Variants in CHRM3 observed in about 807,000 individuals in gnomAD.
CHRM3 encodes the protein muscarinic acetylcholine receptor M3.
CHRM3 carries 11 observed loss-of-function variants against 41.8 expected under a neutral mutation model. That is an observed-to-expected ratio of 0.26 (90% CI 0.17 to 0.44). The LOEUF is 0.44. CHRM3 is among the 20% of genes least tolerant of loss of function. The pLI, the probability that CHRM3 is intolerant of heterozygous loss-of-function variation, is 1.00. For synonymous variants in CHRM3, 297 were observed against 301.4 expected, an observed-to-expected ratio of 0.99 and a Z score of 0.15; for missense variants, 571 against 745.4, an observed-to-expected ratio of 0.77 and a Z score of 2.72.
intron 5 of CHRM3, chr1:239,703,289 G>C (rs1019509777): frequency 6.6e-6 from 1 of 152,166 alleles, no homozygotes; most frequent in Admixed American, 6.6e-5. Flanking sequence ...CACTATTGCT[G>C]TGTCTGTGGA....
At chr1:239,578,312 T>A (rs1256316366) in intron 3 of CHRM3, among the ~76,000 whole-genome samples, 2 of 152,212 alleles carry the variant, frequency 1.3e-5, no homozygotes, top group Non-Finnish European at 2.9e-5. Flanking sequence ...TTTTATACAT[T>A]TCATATTTTT....
intron 5 of CHRM3, among the ~76,000 whole-genome samples, chr1:239,816,920 A>G (rs529417392): frequency 6.6e-6 from 1 of 151,982 alleles, no homozygotes; most frequent in Admixed American, 6.5e-5. Context: ...TTTAGTAGAG[A>G]CAGGGTTTCA....
chr1:239,530,290 T>G (rs1388570771), intron 2 of CHRM3, among the ~76,000 whole-genome samples: 1 of 152,184 alleles, frequency 6.6e-6, no homozygotes, highest in Non-Finnish European at 1.5e-5. Context: ...AGCTACATAT[T>G]TCTCAGCTCC....
chr1:239,585,052 AATAT>A (rs71567251), intron 3 of CHRM3, among the ~76,000 whole-genome samples: 11,030 of 144,768 alleles, frequency 0.076, 750 homozygotes, highest in African/African-American at 0.19. Context: ...GCAACAATTA[AATAT>A]ATATATATAT....
chr1:239,547,775 G>A (rs1486315141), intron 3 of CHRM3, among the ~76,000 whole-genome samples: 1 of 152,112 alleles, frequency 6.6e-6, no homozygotes, highest in Non-Finnish European at 1.5e-5. Flanking sequence ...TTTCATAAAT[G>A]TGCTCAATTA....
intron 5 of CHRM3, among the ~76,000 whole-genome samples, chr1:239,809,625 G>C (rs1444325817): frequency 6.6e-6 from 1 of 152,056 alleles, no homozygotes; most frequent in East Asian, 1.9e-4. Context: ...AGCCACCCAA[G>C]TAGCTGGGAC....
At chr1:239,475,189 GA>G (rs1666386573) in intron 1 of CHRM3, among the ~76,000 whole-genome samples, 1 of 152,038 alleles carries the variant, frequency 6.6e-6, no homozygotes, top group African/African-American at 2.4e-5. Flanking sequence ...GGATAATGAA[GA>G]ACAAACCATC....
chr1:239,468,129 C>G (rs1190935889), intron 1 of CHRM3, among the ~76,000 whole-genome samples: 1 of 152,164 alleles, frequency 6.6e-6, no homozygotes, highest in Non-Finnish European at 1.5e-5. Context: ...TCTCCATATT[C>G]TGACTCACTG....
At chr1:239,667,661 A>C (rs1429793130) in intron 4 of CHRM3, among the ~76,000 whole-genome samples, 1 of 152,058 alleles carries the variant, frequency 6.6e-6, no homozygotes, top group Non-Finnish European at 1.5e-5. Context: ...GTCACGTGCT[A>C]CCTCCTGTAA....
chr1:239,870,513 T>A (rs1676485225), intron 6 of CHRM3, among the ~76,000 whole-genome samples: 1 of 152,220 alleles, frequency 6.6e-6, no homozygotes, highest in African/African-American at 2.4e-5. Flanking sequence ...ATGGATCTGC[T>A]GACAAGGTGG....
chr1:239,913,539 T>A lies in CHRM3; in HGVS notation c.*4315T>A, dbSNP rs1284267193. On this transcript the variant is annotated 3_prime_UTR_variant, in exon 7 of 7. Coordinates refer to ENST00000676153, the MANE Select transcript of CHRM3 (RefSeq NM_001375978.1). The stretch of plus-strand genomic sequence containing the variant: ...CTTCTCCTGTTCTGATGACTCTAAA[T>A]CTTCAGCCTCTCCCAGCATTAATGT... The A allele has an allele frequency of 1.2e-5, 2 of 166,944 alleles. No homozygotes were observed. The highest frequency in any genetic ancestry group is 2.9e-5 in the Non-Finnish European group (2 of 68,136). The allele number at this position is 166,944 out of a possible 1,614,324, so 10.3% of individuals were successfully genotyped here.
chr1:239,529,621 A>C (rs1372682320), intron 2 of CHRM3, among the ~76,000 whole-genome samples: 1 of 112,150 alleles, frequency 8.9e-6, no homozygotes. Flanking sequence ...AAAAAAAAAA[A>C]AAAAAAAAAA....
intron 3 of CHRM3, among the ~76,000 whole-genome samples, chr1:239,582,334 A>T (rs1448776385): frequency 2.6e-5 from 4 of 152,172 alleles, no homozygotes; most frequent in South Asian, 2.1e-4. Context: ...GTAAAAAAGA[A>T]TCTTCTTTAT....
chr1:239,765,800 G>A (rs376109415), intron 5 of CHRM3, among the ~76,000 whole-genome samples: 1 of 151,654 alleles, frequency 6.6e-6, no homozygotes. Context: ...TAAAATGAAT[G>A]AGTATTTTCT....
chr1:239,724,032 CA>C (rs1285964491), intron 5 of CHRM3, among the ~76,000 whole-genome samples: 1 of 151,612 alleles, frequency 6.6e-6, no homozygotes, highest in Non-Finnish European at 1.5e-5. Flanking sequence ...CTGGTATTCT[CA>C]AATATGCTTA....
chr1:239,399,953 C>T (rs1385624093), intron 1 of CHRM3, among the ~76,000 whole-genome samples: 1 of 151,972 alleles, frequency 6.6e-6, no homozygotes, highest in Non-Finnish European at 1.5e-5. Flanking sequence ...CACTCTGTTG[C>T]CCAGGCTGGA....
intron 3 of CHRM3, among the ~76,000 whole-genome samples, chr1:239,578,488 T>C (rs901953780): frequency 6.6e-6 from 1 of 152,184 alleles, no homozygotes; most frequent in Non-Finnish European, 1.5e-5. Context: ...GGTCAATATC[T>C]GAAAGCTCAC....
At chr1:239,879,998 A>G (rs1021483536) in intron 6 of CHRM3, among the ~76,000 whole-genome samples, 2 of 152,224 alleles carry the variant, frequency 1.3e-5, no homozygotes, top group South Asian at 2.1e-4. Flanking sequence ...CAGTATGCCA[A>G]TCACTGTGAT....
chr1:239,537,259 T>C (rs1271203602), intron 2 of CHRM3, among the ~76,000 whole-genome samples: 1 of 152,154 alleles, frequency 6.6e-6, no homozygotes, highest in Non-Finnish European at 1.5e-5. Flanking sequence ...CAGGGTAATT[T>C]ATTAAGAAAA....
Sources: allele counts gnomAD v4.1 joint callset (sites outside exome capture counted in the v4.1 genomes callset), GRCh38; gene constraint gnomAD v4.1.1; transcripts MANE v1.5; gene names NCBI Gene and HGNC (gene_info 2026-07-23, HGNC 2026-07-21).